Variants in PTPRM observed in about 807,000 individuals in gnomAD.
PTPRM encodes receptor-type tyrosine-protein phosphatase mu.
PTPRM carries 47 observed loss-of-function variants against 186.7 expected under a neutral mutation model. The observed-to-expected ratio is 0.25, with a 90% confidence interval of 0.20 to 0.32. PTPRM has a LOEUF of 0.32. Among genes scored for constraint, PTPRM ranks in the 10% least tolerant of loss-of-function variants. The probability of loss-of-function intolerance (pLI) is 1.00; values close to 1 mark genes in which losing one functional copy is unlikely to be tolerated. For missense variants in PTPRM, 1,494 were observed against 1,865.0 expected (o/e 0.80, Z 3.66); for synonymous variants, 668 against 674.9 (o/e 0.99, Z 0.16).
intron 23 of PTPRM, among the ~76,000 whole-genome samples, chr18:8,357,893 G>T (rs140138000): frequency 4.2e-4 from 64 of 152,096 alleles, no homozygotes; most frequent in Middle Eastern, 3.4e-3. Context: ...ACACATACTC[G>T]CAGACTAAAG....
At chr18:8,387,727 G>A (rs1176361202) in intron 31 of PTPRM, among the ~76,000 whole-genome samples, 1 of 138,264 alleles carries the variant, frequency 7.2e-6, no homozygotes, top group Admixed American at 7.7e-5. Flanking sequence ...AGGTCTCAAA[G>A]GACCTGGAGT....
At chr18:8,392,985 C>T (rs1191346856) in intron 31 of PTPRM, among the ~76,000 whole-genome samples, 2 of 152,178 alleles carry the variant, frequency 1.3e-5, no homozygotes, top group Non-Finnish European at 2.9e-5. Flanking sequence ...CAGGAAATCA[C>T]CATTAGGCAA....
intron 14 of PTPRM, among the ~76,000 whole-genome samples, chr18:8,172,723 T>C (rs1254406579): frequency 6.6e-6 from 1 of 151,984 alleles, no homozygotes; most frequent in East Asian, 1.9e-4. Flanking sequence ...AAAAAAAACT[T>C]CTGCTTAACC....
At chr18:7,722,961 C>CA (rs2040476875) in intron 1 of PTPRM, among the ~76,000 whole-genome samples, 1 of 152,070 alleles carries the variant, frequency 6.6e-6, no homozygotes, top group Non-Finnish European at 1.5e-5. Flanking sequence ...ACTTGAAAAC[C>CA]AAAAACTCAA....
At chr18:8,319,237 G>A in intron 22 of PTPRM, 23 bp downstream of exon 22, 1 of 1,532,646 alleles carries the variant, frequency 6.5e-7, no homozygotes, top group Non-Finnish European at 9.0e-7. Flanking sequence ...CTACTTTGTT[G>A]TCTTTCTTTG....
Position 8,046,310 on chromosome 18 carries a change from T to C in PTPRM, c.1133-23376T>C, listed in dbSNP as rs1012577318. Among the ~76,000 whole-genome samples, 3 of 152,304 alleles carry C rather than the reference T, an allele frequency of 2.0e-5. No homozygotes were observed. The East Asian group carries it at 5.8e-4, about 29-fold the overall frequency. The stretch of plus-strand genomic sequence containing the variant: ...AGAACAGACTAATACAGTAAAAAAG[T>C]CTGATATTAGTGAAATCTTCACTTG... On this transcript the variant is annotated intron_variant, in intron 7 of 32. Coordinates refer to ENST00000580170, the MANE Select transcript of PTPRM (RefSeq NM_001105244.2).
intron 23 of PTPRM, among the ~76,000 whole-genome samples, chr18:8,350,503 C>A (rs535948724): frequency 3.3e-5 from 5 of 152,306 alleles, no homozygotes; most frequent in African/African-American, 1.2e-4. Flanking sequence ...AGACTCTTCC[C>A]AGCTTGCAAA....
intron 2 of PTPRM, among the ~76,000 whole-genome samples, chr18:7,860,261 CG>C (rs1213078778): frequency 6.6e-6 from 1 of 151,786 alleles, no homozygotes; most frequent in East Asian, 1.9e-4. Context: ...TTAGTAGAGA[CG>C]GGGTTTCACC....
intron 13 of PTPRM, among the ~76,000 whole-genome samples, chr18:8,128,896 C>A (rs1214623233): frequency 6.6e-6 from 1 of 151,990 alleles, no homozygotes; most frequent in Non-Finnish European, 1.5e-5. Flanking sequence ...TTTCTATCAG[C>A]AGTGTGATGA....
At chr18:7,728,523 G>A (rs2040593277) in intron 1 of PTPRM, among the ~76,000 whole-genome samples, 3 of 152,228 alleles carry the variant, frequency 2.0e-5, no homozygotes, top group African/African-American at 7.2e-5. Flanking sequence ...GGCATGCCCA[G>A]GCAAGCCATA....
At position 7,967,150 on chromosome 18, in the gene PTPRM, TGACCCCC is replaced by T. The variant is rs1160520651; in HGVS notation, c.1132+11739_1132+11745del. ...CCTCCTCAAGTGGGTCCCTGACCCC[TGACCCCC>T]GAGCAGCCTAACTGGGAGGCACCCC... On this transcript the variant is annotated intron_variant, in intron 7 of 32. Coordinates refer to ENST00000580170, the MANE Select transcript of PTPRM (RefSeq NM_001105244.2). Among the ~76,000 whole-genome samples, 56 of 43,782 alleles carry T rather than the reference TGACCCCC, an allele frequency of 1.3e-3. 2 individuals carry two copies. Among genetic ancestry groups the T allele is most frequent in the Non-Finnish European group, 2.6e-3 (43 of 16,808 alleles). 28.7% of individuals were successfully genotyped at this position (43,782 alleles called of 152,430 possible). A position where few individuals can be genotyped will look rare whatever the true frequency, so the allele number is the denominator to read the frequency against.
intron 9 of PTPRM, among the ~76,000 whole-genome samples, chr18:8,084,162 G>A (rs1170130414): frequency 6.6e-6 from 1 of 152,136 alleles, no homozygotes; most frequent in African/African-American, 2.4e-5. Context: ...CAAGACCCCA[G>A]CTCCGAACAC....
At chr18:8,013,309 G>A (rs1424569984) in intron 7 of PTPRM, among the ~76,000 whole-genome samples, 3 of 152,046 alleles carry the variant, frequency 2.0e-5, no homozygotes, top group South Asian at 2.1e-4. Flanking sequence ...GAAAATTCAC[G>A]TCTAACTTGT....
At chr18:7,990,508 A>C (rs902761547) in intron 7 of PTPRM, among the ~76,000 whole-genome samples, 19 of 152,198 alleles carry the variant, frequency 1.2e-4, no homozygotes, top group African/African-American at 4.6e-4. Context: ...ACAAATATTA[A>C]AAATATGAAT....
intron 1 of PTPRM, among the ~76,000 whole-genome samples, chr18:7,625,933 G>A (rs2038050540): frequency 6.6e-6 from 1 of 152,144 alleles, no homozygotes; most frequent in Non-Finnish European, 1.5e-5. Context: ...GTGACATTGG[G>A]GCCCATGAGC....
chr18:8,132,923 C>A (rs570310966), intron 13 of PTPRM, among the ~76,000 whole-genome samples: 9 of 152,130 alleles, frequency 5.9e-5, no homozygotes, highest in African/African-American at 2.2e-4. Flanking sequence ...CTGTTTTCTG[C>A]AGCTGTAACA....
intron 14 of PTPRM, among the ~76,000 whole-genome samples, chr18:8,240,838 GAAAGAAAA>G (rs1463013957): frequency 1.1e-5 from 1 of 92,182 alleles, no homozygotes; most frequent in Non-Finnish European, 2.2e-5. Context: ...AAGAAAGAAA[GAAAGAAAA>G]GAAAGAAAGA....
chr18:8,073,503 G>T (rs2089615783), intron 8 of PTPRM, among the ~76,000 whole-genome samples: 1 of 152,150 alleles, frequency 6.6e-6, no homozygotes, highest in African/African-American at 2.4e-5. Context: ...CACCAGTGTT[G>T]TCATTTCTAA....
At chr18:8,218,046 T>C (rs1012598421) in intron 14 of PTPRM, among the ~76,000 whole-genome samples, 3 of 152,184 alleles carry the variant, frequency 2.0e-5, no homozygotes, top group African/African-American at 7.2e-5. Context: ...CAACAAGATT[T>C]GTGTTTTCCA....
Sources: allele counts gnomAD v4.1 joint callset (sites outside exome capture counted in the v4.1 genomes callset), GRCh38; gene constraint gnomAD v4.1.1; transcripts MANE v1.5; gene names NCBI Gene and HGNC (gene_info 2026-07-23, HGNC 2026-07-21).